MAGI3: variants seen among roughly 807,000 people sequenced by gnomAD.
MAGI3 encodes the protein membrane-associated guanylate kinase, WW and PDZ domain-containing protein 3.
Under a neutral mutation model 121.8 loss-of-function variants are expected in MAGI3, and 43 were observed. That is an observed-to-expected ratio of 0.35 (90% CI 0.28 to 0.46). MAGI3 has a LOEUF of 0.46. MAGI3 is among the 20% of genes least tolerant of loss of function. The probability of loss-of-function intolerance (pLI) is 1.00; values close to 1 mark genes in which losing one functional copy is unlikely to be tolerated. For missense variants in MAGI3, 1,547 were observed against 1,797.3 expected (o/e 0.86, Z 2.52); for synonymous variants, 553 against 639.3 (o/e 0.86, Z 2.04).
At chr1:113,426,600 T>C (rs1013344927) in intron 1 of MAGI3, among the ~76,000 whole-genome samples, 2 of 152,218 alleles carry the variant, frequency 1.3e-5, no homozygotes, top group Non-Finnish European at 2.9e-5. Context: ...TTTAGAATTA[T>C]TATGTTTTCC....
chr1:113,650,789 A>G (rs1211005153), intron 13 of MAGI3, among the ~76,000 whole-genome samples: 3 of 152,192 alleles, frequency 2.0e-5, no homozygotes, highest in Admixed American at 2.0e-4. Context: ...TTTTCTTTGT[A>G]CACAGCCCTG....
intron 1 of MAGI3, among the ~76,000 whole-genome samples, chr1:113,449,546 G>A (rs983419167): frequency 6.6e-6 from 1 of 152,174 alleles, no homozygotes. Flanking sequence ...ATCCAGAACA[G>A]AGTAGATCCT....
chr1:113,678,936 T>G (rs1292504023), intron 19 of MAGI3, among the ~76,000 whole-genome samples: 2 of 152,222 alleles, frequency 1.3e-5, no homozygotes, highest in African/African-American at 4.8e-5. Flanking sequence ...TTTAGTCACC[T>G]TGCAGCTAGC....
At chr1:113,643,891 C>A in intron 11 of MAGI3, 117 bp downstream of exon 11, 2 of 1,088,218 alleles carry the variant, frequency 1.8e-6, no homozygotes, top group South Asian at 1.4e-5. Context: ...AGTTAGGAGG[C>A]ATGCTGCCCT....
At chr1:113,607,253 G>A (rs545236168) in intron 6 of MAGI3, among the ~76,000 whole-genome samples, 8 of 152,216 alleles carry the variant, frequency 5.3e-5, no homozygotes, top group African/African-American at 1.9e-4. Context: ...CATACAGATT[G>A]GTAATGGCAT....
intron 9 of MAGI3, among the ~76,000 whole-genome samples, chr1:113,623,496 AT>A (rs56058691): frequency 0.058 from 2,624 of 45,378 alleles, 97 homozygotes; most frequent in African/African-American, 0.19. Flanking sequence ...ACATATATAT[AT>A]TTTTTTTTGA....
intron 9 of MAGI3, among the ~76,000 whole-genome samples, chr1:113,623,206 A>C (rs1429491826): frequency 6.6e-6 from 1 of 152,034 alleles, no homozygotes; most frequent in African/African-American, 2.4e-5. Context: ...GAGATATTAT[A>C]CTATGATACA....
chr1:113,624,094 A>G (rs543721544), intron 9 of MAGI3, among the ~76,000 whole-genome samples: 132 of 152,176 alleles, frequency 8.7e-4, no homozygotes, highest in Non-Finnish European at 1.5e-3. Flanking sequence ...TGTTTTCTTT[A>G]TCTAATTATC....
At chr1:113,483,555 A>G (rs1331121926) in intron 1 of MAGI3, among the ~76,000 whole-genome samples, 1 of 152,172 alleles carries the variant, frequency 6.6e-6, no homozygotes, top group African/African-American at 2.4e-5. Flanking sequence ...CGTAATTGTG[A>G]AAAATAAGTT....
At chr1:113,409,063 A>G (rs189140412) in intron 1 of MAGI3, among the ~76,000 whole-genome samples, 12 of 152,198 alleles carry the variant, frequency 7.9e-5, no homozygotes, top group Non-Finnish European at 1.8e-4. Context: ...TAATCTGTAA[A>G]CACTTTCTAT....
intron 1 of MAGI3, among the ~76,000 whole-genome samples, chr1:113,504,772 T>C (rs556414352): frequency 5.3e-5 from 8 of 152,276 alleles, no homozygotes; most frequent in Middle Eastern, 3.4e-3. Flanking sequence ...CAGCACTGTT[T>C]ATAATATCAA....
At position 113,646,579 on chromosome 1, in the gene MAGI3, G is replaced by C. The variant is rs1170440264; in HGVS notation, c.2092G>C (p.Gly698Arg). ...TTTTCCACCGAGCATTATCAGGTCA[G>C]GATCCCCAAAATTGGATCCTTCTGA... The part of the protein sequence containing the change: ...MPFPPSIIRS[G>R]SPKLDPSEVY... The change falls in exon 12 of 21, where the codon GGA (glycine) becomes CGA (arginine). Residue 698 changes from glycine (G) to arginine (R), a missense_variant. Physicochemically the swap from Gly to Arg is moderately radical, Grantham distance 125. Transcript: ENST00000307546. 7 of 1,613,246 alleles carry C rather than the reference G, an allele frequency of 4.3e-6. No homozygotes were observed. The highest frequency in any genetic ancestry group is 5.9e-6 in the Non-Finnish European group (7 of 1,179,602).
chr1:113,495,528 G>C (rs892015270), intron 1 of MAGI3, among the ~76,000 whole-genome samples: 1 of 151,834 alleles, frequency 6.6e-6, no homozygotes, highest in Non-Finnish European at 1.5e-5. Flanking sequence ...CCTTTCCCCC[G>C]AGTCCCCAAA....
chr1:113,404,040 A>G (rs1377179031), intron 1 of MAGI3: 1 of 151,956 alleles, frequency 6.6e-6, no homozygotes, highest in Non-Finnish European at 1.5e-5. Flanking sequence ...CATAGGGCCA[A>G]GGGATTTTAA....
intron 16 of MAGI3, among the ~76,000 whole-genome samples, chr1:113,666,233 C>A (rs1654038744): frequency 6.6e-6 from 1 of 152,212 alleles, no homozygotes; most frequent in Non-Finnish European, 1.5e-5. Context: ...CACATTGACT[C>A]TTTCTTTCAC....
chr1:113,523,712 A>C (rs568715532), intron 1 of MAGI3, among the ~76,000 whole-genome samples: 1 of 152,358 alleles, frequency 6.6e-6, no homozygotes, highest in Non-Finnish European at 1.5e-5. Context: ...GGGAAACAGA[A>C]CATAAAAGTT....
intron 2 of MAGI3, among the ~76,000 whole-genome samples, chr1:113,555,214 G>T (rs1228989734): frequency 1.3e-5 from 2 of 151,514 alleles, no homozygotes. Flanking sequence ...AGTGAAAGAA[G>T]TTTTCAGCAG....
chr1:113,651,209 G>A lies in MAGI3; in HGVS notation c.2440+3G>A, dbSNP rs371506996. ...CAGACGGAAGATCTTCTATGGAGGT[G>A]TGTGAACTTGTTCCTGCTCTGAAAA... is the stretch of plus-strand genomic sequence containing the variant. On this transcript the variant is annotated splice_donor_region_variant and intron_variant, in intron 14 of 20. Transcript: ENST00000307546. 1 of 1,598,230 alleles carries A rather than the reference G, an allele frequency of 6.3e-7. No individual in the cohort carries two copies. The highest frequency in any genetic ancestry group is 1.3e-5 in the African/African-American group (1 of 74,094).
intron 1 of MAGI3, among the ~76,000 whole-genome samples, chr1:113,435,899 T>A (rs1399075119): frequency 1.3e-5 from 2 of 152,166 alleles, no homozygotes. Context: ...AGGCTGTAGC[T>A]CTTTCATAAA....
Sources: gnomAD v4.1 joint callset for allele counts (sites outside exome capture counted in the v4.1 genomes callset) on GRCh38, gnomAD v4.1.1 for gene constraint, MANE v1.5 for transcripts, NCBI Gene and HGNC (gene_info 2026-07-23, HGNC 2026-07-21) for gene names.